The following NFATC3 variants were observed in gnomAD, a reference collection of about 807,000 sequenced individuals.
NFATC3 encodes the protein nuclear factor of activated T cells 3.
In NFATC3, 46 loss-of-function variants were observed where a neutral mutation model predicts 98.6. The ratio of observed to expected loss-of-function variants is 0.47; its 90% CI spans 0.37 to 0.60. The LOEUF (loss-of-function observed/expected upper bound fraction) is 0.60, where lower values mean the gene tolerates loss of function less well. NFATC3 is among the 20% of genes least tolerant of loss of function. NFATC3 has a pLI of 0.00. For synonymous variants in NFATC3, 512 were observed against 472.2 expected (o/e 1.08, Z -1.09); for missense variants, 1,256 against 1,295.5 (o/e 0.97, Z 0.47).
chr16:68,170,789 G>A (rs923295589), intron 5 of NFATC3, among the ~76,000 whole-genome samples: 2 of 151,956 alleles, frequency 1.3e-5, no homozygotes, highest in African/African-American at 2.4e-5. Flanking sequence ...CACTGCGCCC[G>A]GCCTCGATTT....
chr16:68,176,623 A>C (rs1458590726), intron 6 of NFATC3, among the ~76,000 whole-genome samples: 1 of 152,148 alleles, frequency 6.6e-6, no homozygotes, highest in East Asian at 1.9e-4. Context: ...CTAGAGGTGA[A>C]ATGGTATTTT....
rs1326989169 is a variant in NFATC3, at chr16:68,135,716, AG to A, written c.1401+9107del. On this transcript the variant is annotated intron_variant, in intron 3 of 9. Transcript: ENST00000346183. ...AGGTCTTAATTTTCTGAATTTTTTT[AG>A]ATGATTTAATATAGATTATCTGTAT... is the stretch of plus-strand genomic sequence containing the variant. 5.9e-5 allele frequency among the ~76,000 whole-genome samples: 9 copies of A among 152,276 alleles called. No homozygotes were observed. The East Asian group carries it at 1.7e-3, about 29-fold the overall frequency.
At chr16:68,213,835 A>G (rs993326850) in intron 9 of NFATC3, among the ~76,000 whole-genome samples, 2 of 152,168 alleles carry the variant, frequency 1.3e-5, no homozygotes, top group Non-Finnish European at 2.9e-5. Context: ...TCTCAAAAAA[A>G]ATACTCTTCC....
intron 4 of NFATC3, among the ~76,000 whole-genome samples, chr16:68,164,871 T>A (rs1341077237): frequency 2.6e-5 from 4 of 152,164 alleles, no homozygotes; most frequent in Non-Finnish European, 4.4e-5. Flanking sequence ...AGAGCAAGAC[T>A]CAGTCTCAAA....
chr16:68,174,544 A>G (rs1598505321), intron 6 of NFATC3, 30 bp downstream of exon 6: 2 of 1,513,236 alleles, frequency 1.3e-6, no homozygotes, highest in East Asian at 2.4e-5. Flanking sequence ...ATTGACTTCA[A>G]ACTAAGGGGC....
At chr16:68,096,745 A>G (rs967573194) in intron 1 of NFATC3, among the ~76,000 whole-genome samples, 6 of 152,204 alleles carry the variant, frequency 3.9e-5, no homozygotes, top group African/African-American at 7.2e-5. Context: ...AGGCCAGCCG[A>G]TTATCACACC....
intron 6 of NFATC3, among the ~76,000 whole-genome samples, chr16:68,178,079 C>G (rs2039797811): frequency 6.6e-6 from 1 of 151,944 alleles, no homozygotes; most frequent in South Asian, 2.1e-4. Flanking sequence ...CTAAGGTTTT[C>G]TACTTATTTT....
At chr16:68,112,646 GT>G (rs914607835) in intron 1 of NFATC3, among the ~76,000 whole-genome samples, 237 of 97,656 alleles carry the variant, frequency 2.4e-3, no homozygotes, top group African/African-American at 8.4e-3. Context: ...TTTCTTTTTC[GT>G]TTTTTTTTTT....
At chr16:68,161,316 T>C (rs2038882254) in intron 4 of NFATC3, among the ~76,000 whole-genome samples, 1 of 152,230 alleles carries the variant, frequency 6.6e-6, no homozygotes, top group African/African-American at 2.4e-5. Context: ...TTGCAGGCCA[T>C]GTTTGCATTC....
At chr16:68,172,777 C>T (rs1220218595) in intron 5 of NFATC3, among the ~76,000 whole-genome samples, 1 of 152,086 alleles carries the variant, frequency 6.6e-6, no homozygotes, top group East Asian at 1.9e-4. Context: ...ATGACCGTTT[C>T]TGAAATCCAA....
At chr16:68,129,733 A>G (rs914505474) in intron 3 of NFATC3, among the ~76,000 whole-genome samples, 2 of 142,094 alleles carry the variant, frequency 1.4e-5, no homozygotes, top group Admixed American at 1.5e-4. Flanking sequence ...GCTGGAATTC[A>G]GTGGCATGAT....
chr16:68,176,544 A>G (rs1339290566), intron 6 of NFATC3, among the ~76,000 whole-genome samples: 5 of 152,152 alleles, frequency 3.3e-5, no homozygotes, highest in African/African-American at 1.2e-4. Context: ...GATATTGTCC[A>G]GTTTTTGGCA....
chr16:68,183,986 A>T (rs1697637552), intron 8 of NFATC3, among the ~76,000 whole-genome samples: 1 of 147,848 alleles, frequency 6.8e-6, no homozygotes, highest in Non-Finnish European at 1.5e-5. Flanking sequence ...AGCCTGGGAA[A>T]CGAGCGAAAC....
chr16:68,218,841 A>G (rs59057303), intron 9 of NFATC3, among the ~76,000 whole-genome samples: 150,584 of 151,502 alleles, frequency 0.99, 74,835 homozygotes, highest in Middle Eastern at 1. Flanking sequence ...CAAAGTGCTG[A>G]GATTACAGGC....
At chr16:68,154,813 C>T (rs1019548485) in intron 3 of NFATC3, among the ~76,000 whole-genome samples, 1 of 152,172 alleles carries the variant, frequency 6.6e-6, no homozygotes, top group Non-Finnish European at 1.5e-5. Flanking sequence ...AGCCAGGGCC[C>T]TAATCACCTT....
At chr16:68,221,518 G>T (rs2041864336) in intron 9 of NFATC3, 3 of 1,257,590 alleles carry the variant, frequency 2.4e-6, no homozygotes, top group Middle Eastern at 3.1e-4. Flanking sequence ...TAAAGATTCA[G>T]TTGGCAAGTA....
chr16:68,153,512 T>G (rs2038451327), intron 3 of NFATC3, among the ~76,000 whole-genome samples: 1 of 152,230 alleles, frequency 6.6e-6, no homozygotes. Flanking sequence ...TTATGTAGCC[T>G]CACATTTCCA....
chr16:68,126,357 A>G (rs756661589), intron 2 of NFATC3, 91 bp from the exon 3 acceptor site: 191 of 1,222,002 alleles, frequency 1.6e-4, no homozygotes, highest in Non-Finnish European at 2.0e-4. Flanking sequence ...AGATCAAAGG[A>G]AGAAATGTTG....
intron 3 of NFATC3, among the ~76,000 whole-genome samples, 166 bp from the exon 4 acceptor site, chr16:68,157,703 G>C (rs141795673): frequency 6.6e-6 from 1 of 152,192 alleles, no homozygotes; most frequent in Non-Finnish European, 1.5e-5. Context: ...AACTAATTTG[G>C]AAATTTGGAG....
Sources: allele counts gnomAD v4.1 joint callset (sites outside exome capture counted in the v4.1 genomes callset), GRCh38; gene constraint gnomAD v4.1.1; transcripts MANE v1.5; gene names NCBI Gene and HGNC (gene_info 2026-07-23, HGNC 2026-07-21).